Variants in SLFNL1 observed in about 807,000 individuals in gnomAD.
SLFNL1 encodes the protein schlafen-like protein 1.
In SLFNL1, 26 loss-of-function variants were observed where a neutral mutation model predicts 32.5. That is an observed-to-expected ratio of 0.80 (90% CI 0.59 to 1.11). The LOEUF (loss-of-function observed/expected upper bound fraction) is 1.11, where lower values mean the gene tolerates loss of function less well. Ranked by LOEUF, SLFNL1 falls within the 50% of genes least tolerant of loss-of-function variation. SLFNL1 has a pLI of 0.00. For missense variants in SLFNL1, 553 were observed against 546.5 expected (o/e 1.01, Z -0.12); for synonymous variants, 255 against 242.2 (o/e 1.05, Z -0.49).
At chr1:41,021,017 C>T (rs1390697305) in intron 1 of SLFNL1, 147 bp from the exon 2 acceptor site, 3 of 238,240 alleles carry the variant, frequency 1.3e-5, no homozygotes, top group East Asian at 1.7e-4. Flanking sequence ...CCTGTCTTCC[C>T]TCCCCAACCC....
intron 3 of SLFNL1, 27 bp from the exon 4 acceptor site, chr1:41,018,183 A>T: frequency 6.9e-7 from 1 of 1,445,562 alleles, no homozygotes. Context: ...GAATGAATGT[A>T]TGGGTCCAGC....
Position 41,020,774 on chromosome 1 carries a change from G to A in SLFNL1, c.-114C>T, listed in dbSNP as rs1371617093. ...TCCCAGAGGACTCAGGGAGTGTCCC[G>A]GCTCCTGGGAGGTACACAGATTGGC... On this transcript the variant is annotated 5_prime_UTR_variant, in exon 3 of 6. Transcript: ENST00000302946. The A allele has an allele frequency of 9.4e-6, 9 of 954,390 alleles. No homozygotes were observed. The East Asian group carries it at 1.0e-4, about 11-fold the overall frequency. The allele number at this position is 954,390 out of a possible 1,614,324, so 59.1% of individuals were successfully genotyped here.
Position 41,017,329 on chromosome 1 carries a change from G to T in SLFNL1, c.1006C>A (p.Leu336Ile), listed in dbSNP as rs1643425542. 6.2e-7 allele frequency: 1 copy of T among 1,613,762 alleles called. No homozygotes were observed. The highest frequency in any genetic ancestry group is 8.5e-7 in the Non-Finnish European group (1 of 1,179,960). ...ACCTCCCCCTGGTCTGTCTGGTAGA[G>T]TTGCGGCTGGCTCTGGGCCTTGGGG... Reference protein sequence around the residue: ...HTPKAQSQPQLYQTDQGEVFL... With the variant: ...HTPKAQSQPQIYQTDQGEVFL... The change falls in exon 5 of 6, where the codon CTC (leucine) becomes ATC (isoleucine). Residue 336 changes from leucine to isoleucine, a missense_variant. Physicochemically the swap from Leu to Ile is conservative, Grantham distance 5. Coordinates refer to ENST00000302946, the MANE Select transcript of SLFNL1 (RefSeq NM_144990.4). The surrounding 1 kb of genome is among the most constrained non-coding windows in gnomAD (Gnocchi z 4.9).
At chr1:41,021,428 T>TA in intron 1 of SLFNL1, 195 bp downstream of exon 1, 1 of 152,706 alleles carries the variant, frequency 6.5e-6, no homozygotes, top group African/African-American at 2.4e-5. Flanking sequence ...GAACGAGGGT[T>TA]AGAGTTGGGG....
chr1:41,020,695 C>A lies in SLFNL1; in HGVS notation c.-35G>T. ...CTCCCTGGGAAGGGGTTCCAGGATT[C>A]CTCACTGCTGGCTGCTTCTCCCAGG... On this transcript the variant is annotated 5_prime_UTR_variant, in exon 3 of 6. Coordinates refer to ENST00000302946, the MANE Select transcript of SLFNL1 (RefSeq NM_144990.4). 1 of 1,580,722 alleles carries A rather than the reference C, an allele frequency of 6.3e-7. No individual in the cohort carries two copies.
At position 41,017,821 on chromosome 1, in the gene SLFNL1, G is replaced by T; in HGVS notation, c.771C>A (p.Ser257Arg). The T allele has an allele frequency of 3.8e-6, 6 of 1,598,442 alleles. No homozygotes were observed. The highest frequency in any genetic ancestry group is 1.7e-4 in the Middle Eastern group (1 of 6,004). Reference protein sequence around the residue: ...VCAFLNSEGGSLLVGVEDSGL... With the variant: ...VCAFLNSEGGRLLVGVEDSGL... ...CGCTGTCCTCTACTCCCACGAGCAG[G>T]CTGCCGCCCTCGCTGTTGAGGAAGG... Residue 257 changes from serine (S) to arginine (R), a missense_variant, in exon 4 of 6, where the codon AGC becomes AGA. Transcript: ENST00000302946. The surrounding 1 kb of genome is among the most constrained non-coding windows in gnomAD (Gnocchi z 4.9).
In SLFNL1 at chr1:41,017,972, A is replaced by G. The variant is rs764695402; in HGVS notation, c.620T>C (p.Val207Ala). Residue 207 changes from valine (V) to alanine (A), a missense_variant, in exon 4 of 6, where the codon GTG becomes GCG. Coordinates refer to ENST00000302946, the MANE Select transcript of SLFNL1 (RefSeq NM_144990.4). This position sits in a 1 kb window ranked among gnomAD's most constrained non-coding sequence, Gnocchi z 4.9. ...SDSAIVHQQI[V>A]GKDQLFQGAF... Reference sequence around the variant, plus strand: ...ACCCTGGAAGAGCTGGTCCTTGCCCACGATCTGCTGGTGCACAATGGCACT... The same window carrying G: ...ACCCTGGAAGAGCTGGTCCTTGCCCGCGATCTGCTGGTGCACAATGGCACT... 6.2e-7 allele frequency: 1 copy of G among 1,610,946 alleles called. No individual in the cohort carries two copies. Among genetic ancestry groups the G allele is most frequent in the African/African-American group, 1.3e-5 (1 of 74,904 alleles).
In SLFNL1 at chr1:41,017,035, C is replaced by T; in HGVS notation, c.1101+199G>A. 1.7e-6 allele frequency: 1 copy of T among 589,410 alleles called. No individual in the cohort carries two copies. The highest frequency in any genetic ancestry group is 2.8e-5 in the South Asian group (1 of 35,952). 36.5% of individuals were successfully genotyped at this position (589,410 alleles called of 1,614,324 possible). On this transcript the variant is annotated intron_variant, in intron 5 of 5. Coordinates refer to ENST00000302946, the MANE Select transcript of SLFNL1 (RefSeq NM_144990.4). This position sits in a 1 kb window ranked among gnomAD's most constrained non-coding sequence, Gnocchi z 4.9. Reference sequence around the variant, plus strand: ...TGCATAGATTTTTAAAAGGAGAGAGCTTGGGCCTCTTCCTTCCCACCAGCC... The same window carrying T: ...TGCATAGATTTTTAAAAGGAGAGAGTTTGGGCCTCTTCCTTCCCACCAGCC...
chr1:41,017,382 G>A lies in SLFNL1; in HGVS notation c.958-5C>T, dbSNP rs1643430190. On this transcript the variant is annotated splice_polypyrimidine_tract_variant and splice_region_variant and intron_variant, in intron 4 of 5. Transcript: ENST00000302946. The surrounding 1 kb of genome is among the most constrained non-coding windows in gnomAD (Gnocchi z 4.9). Reference sequence around the variant, plus strand: ...GTGCACGGTCAGGCGGATCACCTTGGTAGGGGCAACAGCAGCTCTGGAGGC... The same window carrying A: ...GTGCACGGTCAGGCGGATCACCTTGATAGGGGCAACAGCAGCTCTGGAGGC... 1 of 1,612,076 alleles carries A rather than the reference G, an allele frequency of 6.2e-7. No individual in the cohort carries two copies. Among genetic ancestry groups the A allele is most frequent in the African/African-American group, 1.3e-5 (1 of 75,000 alleles).
At chr1:41,021,265 A>T (rs1643813172) in intron 1 of SLFNL1, 1 of 153,342 alleles carries the variant, frequency 6.5e-6, no homozygotes, top group Non-Finnish European at 1.5e-5. Flanking sequence ...AGAGCAGAGG[A>T]TCTCACGCTT....
chr1:41,020,709 G>C lies in SLFNL1; in HGVS notation c.-49C>G, dbSNP rs1387704556. 14 of 1,549,730 alleles carry C rather than the reference G, an allele frequency of 9.0e-6. No homozygotes were observed. The highest frequency in any genetic ancestry group is 1.2e-5 in the Non-Finnish European group (14 of 1,137,800). The stretch of plus-strand genomic sequence containing the variant: ...GTTCCAGGATTCCTCACTGCTGGCT[G>C]CTTCTCCCAGGGTCTGTGTTCTCAG... On this transcript the variant is annotated 5_prime_UTR_variant, in exon 3 of 6. Coordinates refer to ENST00000302946, the MANE Select transcript of SLFNL1 (RefSeq NM_144990.4).
Position 41,020,476 on chromosome 1 carries a change from A to G in SLFNL1, c.185T>C (p.Val62Ala). 6.2e-7 allele frequency: 1 copy of G among 1,613,434 alleles called. No individual in the cohort carries two copies. Among genetic ancestry groups the G allele is most frequent in the Non-Finnish European group, 8.5e-7 (1 of 1,180,012 alleles). ...GHLNPQFSVP[V>A]LACLLRDTLE... ...GGTGTCTCGCAGCAGGCAGGCAAGC[A>G]CCGGCACTGAGAACTGGGGGTTCAG... The change falls in exon 3 of 6, where the codon GTG (valine) becomes GCG (alanine). Residue 62 changes from valine to alanine, a missense_variant. Transcript: ENST00000302946.
rs1643392003 is a variant in SLFNL1, at chr1:41,017,034, G to A, written c.1101+200C>T. The A allele has an allele frequency of 8.5e-6, 5 of 586,598 alleles. No individual in the cohort carries two copies. The Admixed American group carries it at 1.7e-4, about 20-fold the overall frequency. 36.3% of individuals were successfully genotyped at this position (586,598 alleles called of 1,614,324 possible). ...CTGCATAGATTTTTAAAAGGAGAGA[G>A]CTTGGGCCTCTTCCTTCCCACCAGC... On this transcript the variant is annotated intron_variant, in intron 5 of 5. Coordinates refer to ENST00000302946, the MANE Select transcript of SLFNL1 (RefSeq NM_144990.4). The surrounding 1 kb of genome is among the most constrained non-coding windows in gnomAD (Gnocchi z 4.9).
rs1019040846 is a variant in SLFNL1 at position 41,020,829 on chromosome 1, G to A, written c.-119+35C>T. On this transcript the variant is annotated intron_variant, in intron 2 of 5. Coordinates refer to ENST00000302946, the MANE Select transcript of SLFNL1 (RefSeq NM_144990.4). ...ACTGGGCAGGGCCAGAGAGAGGGAG[G>A]GCAGAGGGCAAGCAGGAAAGGGCCT... The A allele has an allele frequency of 1.2e-4, 74 of 636,962 alleles. No homozygotes were observed. In the African/African-American group the frequency reaches 1.2e-3, roughly 11 times the overall value. 39.5% of individuals were successfully genotyped at this position (636,962 alleles called of 1,614,324 possible). A position where few individuals can be genotyped will look rare whatever the true frequency, so the allele number is the denominator to read the frequency against.
At chr1:41,018,307 G>T in intron 3 of SLFNL1, 151 bp from the exon 4 acceptor site, 1 of 738,524 alleles carries the variant, frequency 1.4e-6, no homozygotes, top group Non-Finnish European at 2.0e-6. Context: ...GAGGGGCCCA[G>T]TTCTGCCCAC....
Position 41,017,310 on chromosome 1 carries a change from C to A in SLFNL1, c.1025G>T (p.Gly342Val). 2 of 1,613,818 alleles carry A rather than the reference C, an allele frequency of 1.2e-6. No individual in the cohort carries two copies. Among genetic ancestry groups the A allele is most frequent in the Non-Finnish European group, 8.5e-7 (1 of 1,179,940 alleles). Residue 342 changes from glycine (G) to valine (V), a missense_variant, in exon 5 of 6, where the codon GGG becomes GTG. Transcript: ENST00000302946. This position sits in a 1 kb window ranked among gnomAD's most constrained non-coding sequence, Gnocchi z 4.9. ...CCCGTCGCGCCGCAGAAACACCTCC[C>A]CCTGGTCTGTCTGGTAGAGTTGCGG... Reference protein sequence around the residue: ...SQPQLYQTDQGEVFLRRDGSI... With the variant: ...SQPQLYQTDQVEVFLRRDGSI...
In SLFNL1 at chr1:41,018,095, A is replaced by G; in HGVS notation, c.497T>C (p.Val166Ala). 3 of 1,551,598 alleles carry G rather than the reference A, an allele frequency of 1.9e-6. No homozygotes were observed. Among genetic ancestry groups the G allele is most frequent in the Non-Finnish European group, 2.6e-6 (3 of 1,143,644 alleles). Residue 166 changes from valine (V) to alanine (A), a missense_variant, in exon 4 of 6, where the codon GTC (valine) becomes GCC (alanine). Coordinates refer to ENST00000302946, the MANE Select transcript of SLFNL1 (RefSeq NM_144990.4). ...LSPGPSPGSG[V>A]PLPTWPTHTL... Reference sequence around the variant, plus strand: ...GTGTGTAGGCCAGGTGGGCAGCGGGACACCAGAGCCTGGACTGGGGCCAGG... The same window carrying G: ...GTGTGTAGGCCAGGTGGGCAGCGGGGCACCAGAGCCTGGACTGGGGCCAGG...
rs1428282038 is a variant in SLFNL1, at chr1:41,018,106, T to C, written c.486A>G (p.Pro162=). Residue 162 remains proline (P), a synonymous_variant, in exon 4 of 6, where the codon CCA becomes CCG. Coordinates refer to ENST00000302946, the MANE Select transcript of SLFNL1 (RefSeq NM_144990.4). ...AGGTGGGCAGCGGGACACCAGAGCC[T>C]GGACTGGGGCCAGGGCTCAGGCCAC... ...EDSGLSPGPS[P]GSGVPLPTWP... 6.5e-7 allele frequency: 1 copy of C among 1,542,446 alleles called. No homozygotes were observed. Among genetic ancestry groups the C allele is most frequent in the Non-Finnish European group, 8.8e-7 (1 of 1,138,536 alleles).
At chr1:41,019,446 G>C (rs1302650595) in intron 3 of SLFNL1, among the ~76,000 whole-genome samples, 2 of 152,146 alleles carry the variant, frequency 1.3e-5, no homozygotes, top group African/African-American at 4.8e-5. Flanking sequence ...CAGCAGTTCA[G>C]CCTTGCCTTG....
Sources: gnomAD v4.1 joint callset for allele counts (sites outside exome capture counted in the v4.1 genomes callset) on GRCh38, gnomAD v4.1.1 for gene constraint, Gnocchi (gnomAD v3.1) non-coding constraint, MANE v1.5 for transcripts, NCBI Gene and HGNC (gene_info 2026-07-23, HGNC 2026-07-21) for gene names.